The following PADI1 variants were observed in gnomAD, a reference collection of about 807,000 sequenced individuals.
The protein encoded by PADI1 is protein-arginine deiminase type-1.
Under a neutral mutation model 74.8 loss-of-function variants are expected in PADI1, and 65 were observed. The observed-to-expected ratio is 0.87, with a 90% confidence interval of 0.71 to 1.07. The LOEUF (loss-of-function observed/expected upper bound fraction) is 1.07, where lower values mean the gene tolerates loss of function less well. PADI1 is among the 50% of genes least tolerant of loss of function. The pLI is 0.00. For missense variants in PADI1, 943 were observed against 854.0 expected, an observed-to-expected ratio of 1.10 and a Z score of -1.30; for synonymous variants, 371 against 336.2, an observed-to-expected ratio of 1.10 and a Z score of -1.13.
At chr1:17,228,161 A>T (rs1349855667) in intron 6 of PADI1, among the ~76,000 whole-genome samples, 2 of 151,914 alleles carry the variant, frequency 1.3e-5, no homozygotes, top group Admixed American at 1.3e-4. Flanking sequence ...TGGCTATTTT[A>T]AAAAATTTTT....
rs2072851182 is a variant in PADI1 at position 17,244,793 on chromosome 1, T to TAAA, written c.*550_*551insAAA. ...TACCTCCACCCCCATCCAGCACCCT[T>TAAA]CAGCTGTGTGTGGACAAACAAGGAC... On this transcript the variant is annotated 3_prime_UTR_variant, in exon 16 of 16. Transcript: ENST00000375471. 3.7e-6 allele frequency: 1 copy of TAAA among 273,298 alleles called. No individual in the cohort carries two copies. Among genetic ancestry groups the TAAA allele is most frequent in the Non-Finnish European group, 7.2e-6 (1 of 138,342 alleles). 16.9% of individuals were successfully genotyped at this position (273,298 alleles called of 1,614,324 possible).
intron 11 of PADI1, among the ~76,000 whole-genome samples, chr1:17,235,193 GAA>G (rs1321213249): frequency 2.2e-5 from 3 of 135,656 alleles, no homozygotes; most frequent in Non-Finnish European, 4.7e-5. Context: ...AGGAAAGAAG[GAA>G]GGAAGGGAGG....
At position 17,213,031 on chromosome 1, in the gene PADI1, C is replaced by T. The variant is rs114551175; in HGVS notation, c.92+7722C>T. On this transcript the variant is annotated intron_variant, in intron 1 of 15. Coordinates refer to ENST00000375471, the MANE Select transcript of PADI1 (RefSeq NM_013358.3). Reference sequence around the variant, plus strand: ...TTCCTTCCGACATCCCTGATCGTCTCCTCCTTCCAGTCCCCGACAAGGGCA... The same window carrying T: ...TTCCTTCCGACATCCCTGATCGTCTTCTCCTTCCAGTCCCCGACAAGGGCA... Among the ~76,000 whole-genome samples the T allele has an allele frequency of 7.3e-3, 1,117 of 152,342 alleles. 14 individuals are homozygous for T. The highest frequency in any genetic ancestry group is 0.025 in the African/African-American group (1,056 of 41,588).
rs779092922 is a variant in PADI1, at chr1:17,224,391, G to T, written c.371G>T (p.Gly124Val). Residue 124 changes from glycine to valine, a missense_variant, in exon 4 of 16, where the codon GGC (glycine) becomes GTC (valine). Transcript: ENST00000375471. ...GVDISLEVDT[G>V]RTGKVKRSQG... ...GATATTTCCCTTGAGGTTGACACAG[G>T]CCGCACAGGCAAGGTGAAGAGGAGC... The T allele has an allele frequency of 1.2e-6, 2 of 1,613,928 alleles. No homozygotes were observed. Among genetic ancestry groups the T allele is most frequent in the South Asian group, 1.1e-5 (1 of 91,016 alleles).
At chr1:17,240,375 GTGCTGACAAGAACATT>G (rs2072749728) in intron 14 of PADI1, 1 of 388,424 alleles carries the variant, frequency 2.6e-6, no homozygotes, top group Non-Finnish European at 4.8e-6. Context: ...ACAGTGTGTT[GTGCTGACAAGAACATT>G]TGCATCCAGA....
At position 17,224,366 on chromosome 1, in the gene PADI1, G is replaced by C; in HGVS notation, c.347-1G>C. ...GGCAGCCCCTCTCCATCTCTTTGCA[G>C]ATATTTCCCTTGAGGTTGACACAGG... is the stretch of plus-strand genomic sequence containing the variant. On this transcript the variant is annotated splice_acceptor_variant, in intron 3 of 15. Coordinates refer to ENST00000375471, the MANE Select transcript of PADI1 (RefSeq NM_013358.3). LOFTEE classifies it high-confidence loss of function. The C allele has an allele frequency of 3.7e-6, 6 of 1,613,660 alleles. No homozygotes were observed. The highest frequency in any genetic ancestry group is 5.1e-6 in the Non-Finnish European group (6 of 1,179,706).
At chr1:17,221,569 G>T (rs2072151988) in intron 1 of PADI1, among the ~76,000 whole-genome samples, 1 of 152,108 alleles carries the variant, frequency 6.6e-6, no homozygotes, top group Non-Finnish European at 1.5e-5. Flanking sequence ...GTGATTGGGT[G>T]GGGGCAGGAG....
intron 12 of PADI1, among the ~76,000 whole-genome samples, chr1:17,237,684 TA>T (rs1288576861): frequency 3.3e-5 from 5 of 152,232 alleles, no homozygotes; most frequent in African/African-American, 1.2e-4. Context: ...ATATTGATAA[TA>T]ATTGGTAATA....
rs945758950 is a variant in PADI1, at chr1:17,245,211, A to C, written c.*968A>C. Reference sequence around the variant, plus strand: ...TAGGTTATCTCTGAAGGTGGAGTTTAATTTCCTTTAATAGTCTTTAATTAT... The same window carrying C: ...TAGGTTATCTCTGAAGGTGGAGTTTCATTTCCTTTAATAGTCTTTAATTAT... On this transcript the variant is annotated 3_prime_UTR_variant, in exon 16 of 16. Coordinates refer to ENST00000375471, the MANE Select transcript of PADI1 (RefSeq NM_013358.3). The surrounding 1 kb of genome is among the most constrained non-coding windows in gnomAD (Gnocchi z 4.1). 6.6e-6 allele frequency: 1 copy of C among 152,566 alleles called. No homozygotes were observed. The highest frequency in any genetic ancestry group is 1.5e-5 in the Non-Finnish European group (1 of 68,048). The allele number at this position is 152,566 out of a possible 1,614,324, so 9.5% of individuals were successfully genotyped here.
At chr1:17,232,669 T>A (rs932097933) in intron 10 of PADI1, 150 bp from the exon 11 acceptor site, 1 of 590,414 alleles carries the variant, frequency 1.7e-6, no homozygotes. Context: ...CAGGGGGGAT[T>A]TGTAAAAAGT....
At chr1:17,214,878 C>T (rs561409020) in intron 1 of PADI1, among the ~76,000 whole-genome samples, 1 of 152,380 alleles carries the variant, frequency 6.6e-6, no homozygotes, top group African/African-American at 2.4e-5. Flanking sequence ...GAATCAAAGG[C>T]AGCGCAGGGC....
At chr1:17,219,752 A>G (rs186591495) in intron 1 of PADI1, among the ~76,000 whole-genome samples, 3 of 151,968 alleles carry the variant, frequency 2.0e-5, no homozygotes, top group African/African-American at 7.3e-5. Context: ...AAGAAAGATG[A>G]TGATCTGGAA....
At position 17,238,724 on chromosome 1, in the gene PADI1, C is replaced by T. The variant is rs749865987; in HGVS notation, c.1552+15C>T. On this transcript the variant is annotated intron_variant, in intron 13 of 15. Transcript: ENST00000375471. ...CCAGTTTGATGGTGAGTGCCAATGA[C>T]CCGGTCACCCCTGGGGGACCCTGCC... 3 of 1,388,992 alleles carry T rather than the reference C, an allele frequency of 2.2e-6. No homozygotes were observed. Among genetic ancestry groups the T allele is most frequent in the South Asian group, 1.4e-5 (1 of 70,270 alleles). The allele number at this position is 1,388,992 out of a possible 1,614,324, so 86.0% of individuals were successfully genotyped here. A position where few individuals can be genotyped will look rare whatever the true frequency, so the allele number is the denominator to read the frequency against.
chr1:17,220,207 G>A (rs922487818), intron 1 of PADI1, among the ~76,000 whole-genome samples: 3 of 152,078 alleles, frequency 2.0e-5, no homozygotes. Flanking sequence ...TCTGTAAAAT[G>A]GGGATTATAA....
chr1:17,238,914 C>T (rs931986044), intron 13 of PADI1, among the ~76,000 whole-genome samples: 1 of 152,186 alleles, frequency 6.6e-6, no homozygotes, highest in Non-Finnish European at 1.5e-5. Flanking sequence ...GTCATGAGTG[C>T]CCCAGGTGCC....
At chr1:17,234,589 A>G (rs1350769772) in intron 11 of PADI1, among the ~76,000 whole-genome samples, 1 of 152,246 alleles carries the variant, frequency 6.6e-6, no homozygotes, top group Middle Eastern at 3.2e-3. Context: ...GACCATCATT[A>G]TCCCCACTTT....
intron 15 of PADI1, among the ~76,000 whole-genome samples, chr1:17,241,277 C>T (rs941354626): frequency 6.6e-6 from 1 of 152,226 alleles, no homozygotes; most frequent in African/African-American, 2.4e-5. Flanking sequence ...GTGATCTCAA[C>T]TGGGAAGGGC....
At chr1:17,221,095 C>T (rs61770177) in intron 1 of PADI1, among the ~76,000 whole-genome samples, 1,996 of 152,238 alleles carry the variant, frequency 0.013, 20 homozygotes, top group Middle Eastern at 0.024. Context: ...CAGGTGAATG[C>T]GGTGTATTGG....
At chr1:17,241,079 G>A (rs1223510143) in intron 15 of PADI1, among the ~76,000 whole-genome samples, 1 of 152,168 alleles carries the variant, frequency 6.6e-6, no homozygotes, top group Non-Finnish European at 1.5e-5. Context: ...GATGGAAAAA[G>A]AAAGCGTGGT....
Sources: allele counts gnomAD v4.1 joint callset (sites outside exome capture counted in the v4.1 genomes callset), GRCh38; gene constraint gnomAD v4.1.1; non-coding constraint Gnocchi (gnomAD v3.1); transcripts MANE v1.5; gene names NCBI Gene and HGNC (gene_info 2026-07-23, HGNC 2026-07-21).